Variants in PHGR1 observed in about 807,000 individuals in gnomAD.
PHGR1 encodes proline, histidine and glycine-rich protein 1.
In PHGR1, 3 loss-of-function variants were observed where a neutral mutation model predicts 4.9. The ratio of observed to expected loss-of-function variants is 0.61; its 90% CI spans 0.28 to 1.58. The LOEUF (loss-of-function observed/expected upper bound fraction) is 1.58. PHGR1 is among the 40% of genes most tolerant of loss of function. The pLI, the probability that PHGR1 is intolerant of heterozygous loss-of-function variation, is 0.11. For synonymous variants in PHGR1, 32 were observed against 46.1 expected (o/e 0.69, Z 1.24); for missense variants, 81 against 118.7 (o/e 0.68, Z 1.48).
chr15:40,353,475 C>A, intron 2 of PHGR1: 1 of 638,496 alleles, frequency 1.6e-6, no homozygotes, highest in Non-Finnish European at 2.7e-6. Flanking sequence ...CATGCTTACT[C>A]ATCATGTTCT....
In PHGR1 at chr15:40,356,284, C is replaced by T. The variant is rs780685137; in HGVS notation, c.230C>T (p.Pro77Leu). The part of the protein sequence containing the change: ...PPPGHGPGHP[P>L]PGPHH ...CCTGGCCATGGCCCAGGTCACCCAC[C>T]CCCTGGTCCACATCACTGAGGAAGT... Residue 77 changes from proline to leucine, a missense_variant, in exon 4 of 4, where the codon CCC (proline) becomes CTC (leucine). Coordinates refer to ENST00000448599, the MANE Select transcript of PHGR1 (RefSeq NM_001145643.2). 4 of 1,549,538 alleles carry T rather than the reference C, an allele frequency of 2.6e-6. No individual in the cohort carries two copies. The South Asian group carries it at 4.8e-5, about 18-fold the overall frequency.
At chr15:40,353,794 G>A (rs1014435394) in intron 2 of PHGR1, 19 of 184,522 alleles carry the variant, frequency 1.0e-4, no homozygotes, top group Middle Eastern at 2.5e-3. Flanking sequence ...TCCTGCATGA[G>A]GGCAACACGC....
Position 40,356,256 on chromosome 15 carries a change from C to A in PHGR1, c.202C>A (p.Pro68Thr), listed in dbSNP as rs1173674987. The change falls in exon 4 of 4, where the codon CCC becomes ACC. Residue 68 changes from proline to threonine, a missense_variant. Pro to Thr is a conservative substitution (Grantham distance 38, BLOSUM62 -1). Coordinates refer to ENST00000448599, the MANE Select transcript of PHGR1 (RefSeq NM_001145643.2). ...PHHGPGPCGP[P>T]PGHGPGHPPP... Reference sequence around the variant, plus strand: ...CCATGGTCCAGGGCCCTGCGGGCCTCCCCCTGGCCATGGCCCAGGTCACCC... The same window carrying A: ...CCATGGTCCAGGGCCCTGCGGGCCTACCCCTGGCCATGGCCCAGGTCACCC... The A allele has an allele frequency of 6.5e-7, 1 of 1,548,372 alleles. No homozygotes were observed. Among genetic ancestry groups the A allele is most frequent in the South Asian group, 1.2e-5 (1 of 83,996 alleles).
At chr15:40,353,168 G>A (rs997533102) in intron 1 of PHGR1, 64 bp from the exon 2 acceptor site, 44 of 1,436,970 alleles carry the variant, frequency 3.1e-5, no homozygotes, top group Non-Finnish European at 3.8e-5. Flanking sequence ...CGCATCCGTG[G>A]GAGGGAGAAA....
intron 3 of PHGR1, among the ~76,000 whole-genome samples, chr15:40,355,126 G>A (rs1252388185): frequency 3.3e-5 from 5 of 151,846 alleles, no homozygotes; most frequent in Admixed American, 3.3e-4. Context: ...GAAGCAAGGT[G>A]GTATCTCTTG....
chr15:40,353,311 G>C (rs930027452), intron 2 of PHGR1, 44 bp downstream of exon 2: 1 of 1,551,326 alleles, frequency 6.4e-7, no homozygotes, highest in African/African-American at 1.4e-5. Context: ...AGAAGGGAGA[G>C]AGCAGGAGAG....
chr15:40,355,300 T>C (rs1431834480), intron 3 of PHGR1, among the ~76,000 whole-genome samples: 1 of 152,192 alleles, frequency 6.6e-6, no homozygotes, highest in Non-Finnish European at 1.5e-5. Flanking sequence ...TTTTACTTTC[T>C]ATTCTTCCTG....
In PHGR1 at chr15:40,356,349, T is replaced by C; in HGVS notation, c.*46T>C. ...CACAAGATGGCAAGCCTGAGAGAAT[T>C]GCCCAGCTGACCTGGAATGAGGCCT... is the stretch of plus-strand genomic sequence containing the variant. On this transcript the variant is annotated 3_prime_UTR_variant, in exon 4 of 4. Coordinates refer to ENST00000448599, the MANE Select transcript of PHGR1 (RefSeq NM_001145643.2). 6.5e-7 allele frequency: 1 copy of C among 1,549,614 alleles called. No individual in the cohort carries two copies. The highest frequency in any genetic ancestry group is 8.7e-7 in the Non-Finnish European group (1 of 1,146,412).
intron 1 of PHGR1, among the ~76,000 whole-genome samples, chr15:40,352,178 G>A (rs181685224): frequency 1.1e-3 from 160 of 152,246 alleles, no homozygotes; most frequent in African/African-American, 3.7e-3. Flanking sequence ...ACTCCAGCCT[G>A]TATGACAAAG....
chr15:40,353,099 T>C (rs940316704), intron 1 of PHGR1, 133 bp from the exon 2 acceptor site: 2 of 981,794 alleles, frequency 2.0e-6, no homozygotes, highest in Admixed American at 2.6e-5. Context: ...TTTCCCTTTC[T>C]TCCTTTGAAG....
chr15:40,354,386 C>T (rs1335386753), intron 3 of PHGR1, 34 bp downstream of exon 3: 1 of 1,528,118 alleles, frequency 6.5e-7, no homozygotes, highest in South Asian at 1.2e-5. Flanking sequence ...TCCCCTTTTT[C>T]CTCCCACTGT....
intron 2 of PHGR1, 38 bp downstream of exon 2, chr15:40,353,305 G>C (rs765074428): frequency 6.4e-7 from 1 of 1,551,508 alleles, no homozygotes; most frequent in South Asian, 1.2e-5. Context: ...ATTGGAAGAA[G>C]GGAGAGAGCA....
At chr15:40,355,953 CA>C (rs1436442031) in intron 3 of PHGR1, 119 bp from the exon 4 acceptor site, 5 of 1,079,576 alleles carry the variant, frequency 4.6e-6, no homozygotes, top group Non-Finnish European at 6.9e-6. Context: ...CCCTCCACCG[CA>C]ACTCCTTACT....
In PHGR1 at chr15:40,356,160, C is replaced by G. The variant is rs1020002162; in HGVS notation, c.106C>G (p.Pro36Ala). The G allele has an allele frequency of 1.9e-6, 3 of 1,540,068 alleles. No homozygotes were observed. The highest frequency in any genetic ancestry group is 2.6e-6 in the Non-Finnish European group (3 of 1,141,286). The change falls in exon 4 of 4, where the codon CCC becomes GCC. Residue 36 changes from proline (P) to alanine (A), a missense_variant. Pro to Ala is a conservative substitution (Grantham distance 27). Transcript: ENST00000448599. ...GHGPGPCGPP[P>A]HHGPGPCGPP... The stretch of plus-strand genomic sequence containing the variant: ...TGGCCCAGGGCCCTGCGGGCCACCC[C>G]CCCACCATGGTCCAGGGCCCTGCGG...
At chr15:40,355,069 G>T (rs1357362438) in intron 3 of PHGR1, among the ~76,000 whole-genome samples, 1 of 152,026 alleles carries the variant, frequency 6.6e-6, no homozygotes, top group African/African-American at 2.4e-5. Context: ...TGGGAGCATA[G>T]CCCCGCCCTG....
intron 1 of PHGR1, 64 bp from the exon 2 acceptor site, chr15:40,353,168 G>C: frequency 7.0e-7 from 1 of 1,437,090 alleles, no homozygotes; most frequent in Non-Finnish European, 9.5e-7. Flanking sequence ...CGCATCCGTG[G>C]GAGGGAGAAA....
chr15:40,354,424 C>A (rs1421571377), intron 3 of PHGR1, 72 bp downstream of exon 3: 45 of 1,464,466 alleles, frequency 3.1e-5, no homozygotes, highest in Non-Finnish European at 4.1e-5. Context: ...TAGCCTCCTT[C>A]CTAGACCCTC....
chr15:40,356,096 T>C lies in PHGR1; in HGVS notation c.42T>C (p.His14=), dbSNP rs1889290357. Residue 14 remains histidine (H), a synonymous_variant, in exon 4 of 4, where the codon CAT becomes CAC. Coordinates refer to ENST00000448599, the MANE Select transcript of PHGR1 (RefSeq NM_001145643.2). Reference sequence around the variant, plus strand: ...AGGGGCACTGCCACTGTGGGGGGCATGGCCATCCTCCAGGTCACTGCGGGC... The same window carrying C: ...AGGGGCACTGCCACTGTGGGGGGCACGGCCATCCTCCAGGTCACTGCGGGC... ...GPKGHCHCGG[H]GHPPGHCGPP... The C allele has an allele frequency of 2.6e-6, 4 of 1,549,938 alleles. No homozygotes were observed. The highest frequency in any genetic ancestry group is 3.5e-6 in the Non-Finnish European group (4 of 1,146,836).
intron 1 of PHGR1, among the ~76,000 whole-genome samples, chr15:40,352,995 G>A (rs1889227596): frequency 6.6e-6 from 1 of 152,154 alleles, no homozygotes; most frequent in Non-Finnish European, 1.5e-5. Context: ...TACCCACCAT[G>A]TAGGTGAACC....
Sources: gnomAD v4.1 joint callset for allele counts (sites outside exome capture counted in the v4.1 genomes callset) on GRCh38, gnomAD v4.1.1 for gene constraint, MANE v1.5 for transcripts, NCBI Gene and HGNC (gene_info 2026-07-23, HGNC 2026-07-21) for gene names.